The following SNTG1 variants were observed in gnomAD, a reference collection of about 807,000 sequenced individuals.
The protein encoded by SNTG1 is gamma-1-syntrophin.
In SNTG1, 39 loss-of-function variants were observed where a neutral mutation model predicts 74.7. That is an observed-to-expected ratio of 0.52 (90% confidence interval 0.40 to 0.68). The LOEUF (loss-of-function observed/expected upper bound fraction) is 0.68. Among genes scored for constraint, SNTG1 ranks in the 30% least tolerant of loss-of-function variants. The pLI is 0.00. For missense variants in SNTG1, 685 were observed against 609.5 expected (o/e 1.12, Z -1.30); for synonymous variants, 254 against 217.1 (o/e 1.17, Z -1.49).
At chr8:50,622,134 G>A (rs1297121090) in intron 13 of SNTG1, among the ~76,000 whole-genome samples, 1 of 152,066 alleles carries the variant, frequency 6.6e-6, no homozygotes, top group Non-Finnish European at 1.5e-5. Flanking sequence ...TACCCTATTA[G>A]CAACTACCAC....
At chr8:50,752,606 A>G (rs1368538980) in intron 18 of SNTG1, among the ~76,000 whole-genome samples, 3 of 152,018 alleles carry the variant, frequency 2.0e-5, no homozygotes, top group African/African-American at 4.8e-5. Flanking sequence ...CCCAGTATAG[A>G]GAAAAGGGTA....
At chr8:50,209,721 C>T (rs902822117) in intron 2 of SNTG1, among the ~76,000 whole-genome samples, 19 of 152,264 alleles carry the variant, frequency 1.2e-4, no homozygotes, top group Admixed American at 2.6e-4. Flanking sequence ...CCCATCTGTA[C>T]GTCACCATCA....
At chr8:49,969,749 G>A (rs1404272649) in intron 1 of SNTG1, among the ~76,000 whole-genome samples, 1 of 152,024 alleles carries the variant, frequency 6.6e-6, no homozygotes, top group Non-Finnish European at 1.5e-5. Flanking sequence ...GTAGGGTGGG[G>A]TCAGGTTAAA....
At chr8:50,705,882 A>T (rs980177525) in intron 16 of SNTG1, among the ~76,000 whole-genome samples, 3 of 152,252 alleles carry the variant, frequency 2.0e-5, no homozygotes, top group Admixed American at 2.0e-4. Context: ...AAAGGTTTTC[A>T]TGCGCTTGCC....
intron 12 of SNTG1, among the ~76,000 whole-genome samples, chr8:50,587,171 G>A (rs1445710550): frequency 6.7e-6 from 1 of 150,106 alleles, no homozygotes; most frequent in Non-Finnish European, 1.5e-5. Flanking sequence ...ATTTATATAT[G>A]TTTAATATAC....
chr8:50,520,940 A>C (rs1254846261), intron 9 of SNTG1, among the ~76,000 whole-genome samples: 1 of 152,234 alleles, frequency 6.6e-6, no homozygotes, highest in African/African-American at 2.4e-5. Context: ...CCAAAGGAAT[A>C]TAAATCTTTC....
intron 2 of SNTG1, among the ~76,000 whole-genome samples, chr8:50,203,760 G>A (rs575169943): frequency 6.6e-6 from 1 of 151,238 alleles, no homozygotes; most frequent in South Asian, 2.1e-4. Flanking sequence ...GTGTGTGTGT[G>A]TTTCTGTGTG....
At chr8:50,420,874 A>T (rs868602332) in intron 4 of SNTG1, among the ~76,000 whole-genome samples, 8 of 151,482 alleles carry the variant, frequency 5.3e-5, no homozygotes, top group Non-Finnish European at 8.8e-5. Context: ...AAAATACAAA[A>T]ATTAGCTTTG....
At chr8:50,505,375 G>A (rs2093997523) in intron 9 of SNTG1, among the ~76,000 whole-genome samples, 1 of 152,080 alleles carries the variant, frequency 6.6e-6, no homozygotes, top group Admixed American at 6.6e-5. Flanking sequence ...TGGATCATAT[G>A]TTAATTCTAT....
chr8:50,240,414 A>G (rs912717959), intron 2 of SNTG1, among the ~76,000 whole-genome samples: 32 of 152,234 alleles, frequency 2.1e-4, no homozygotes, highest in South Asian at 4.1e-4. Flanking sequence ...ACTTAGCTAA[A>G]AAATTTAAAA....
At chr8:50,206,627 G>A (rs2084252894) in intron 2 of SNTG1, among the ~76,000 whole-genome samples, 1 of 152,130 alleles carries the variant, frequency 6.6e-6, no homozygotes, top group Non-Finnish European at 1.5e-5. Flanking sequence ...GTGAGAGAGG[G>A]CATCCCTGTC....
At chr8:50,068,310 T>C (rs1285486132) in intron 1 of SNTG1, among the ~76,000 whole-genome samples, 1 of 152,204 alleles carries the variant, frequency 6.6e-6, no homozygotes, top group African/African-American at 2.4e-5. Context: ...GTGCGTGGTA[T>C]CCTTGTTAAT....
intron 2 of SNTG1, among the ~76,000 whole-genome samples, chr8:50,207,611 T>C (rs1004732154): frequency 1.3e-5 from 2 of 152,214 alleles, no homozygotes; most frequent in Non-Finnish European, 2.9e-5. Context: ...TCTGGAACTT[T>C]TGAATGTGTT....
intron 8 of SNTG1, chr8:50,491,515 G>C (rs909554462): frequency 3.3e-5 from 5 of 152,292 alleles, no homozygotes; most frequent in African/African-American, 1.2e-4. Flanking sequence ...CCGGACAACA[G>C]CAATGTCCTT....
At chr8:50,027,235 T>C (rs1012785609) in intron 1 of SNTG1, among the ~76,000 whole-genome samples, 3 of 152,164 alleles carry the variant, frequency 2.0e-5, no homozygotes, top group East Asian at 1.9e-4. Context: ...GGCTGCTTGC[T>C]CTCTATGCCT....
chr8:50,524,116 A>G (rs1352655444), intron 9 of SNTG1, among the ~76,000 whole-genome samples: 3 of 151,780 alleles, frequency 2.0e-5, no homozygotes, highest in East Asian at 1.9e-4. Flanking sequence ...CCTTTTATCA[A>G]TTTCTTTTGT....
At chr8:50,663,259 C>T (rs529915130) in intron 15 of SNTG1, among the ~76,000 whole-genome samples, 1 of 152,060 alleles carries the variant, frequency 6.6e-6, no homozygotes. Context: ...TTGGATGGAA[C>T]AGATCATAGG....
chr8:50,109,691 TA>T (rs1563608892), intron 1 of SNTG1, among the ~76,000 whole-genome samples: 1 of 152,158 alleles, frequency 6.6e-6, no homozygotes, highest in Non-Finnish European at 1.5e-5. Context: ...TTCTTGGTCT[TA>T]CTTGGGAGAC....
intron 16 of SNTG1, among the ~76,000 whole-genome samples, chr8:50,704,957 CA>C (rs1294233699): frequency 6.6e-6 from 1 of 152,140 alleles, no homozygotes; most frequent in African/African-American, 2.4e-5. Flanking sequence ...TTGATCTTTC[CA>C]GGCTATTTCC....
Sources: allele counts gnomAD v4.1 joint callset (sites outside exome capture counted in the v4.1 genomes callset), GRCh38; gene constraint gnomAD v4.1.1; transcripts MANE v1.5; gene names NCBI Gene and HGNC (gene_info 2026-07-23, HGNC 2026-07-21).